Variants in FSTL5 observed in about 807,000 individuals in gnomAD.
The protein encoded by FSTL5 is follistatin like 5, also known as follistatin-related protein 5.
A neutral mutation model predicts 89.1 loss-of-function variants in FSTL5; 62 were observed. The ratio of observed to expected loss-of-function variants is 0.70; its 90% CI spans 0.57 to 0.86. FSTL5 has a LOEUF of 0.86. Ranked by LOEUF, FSTL5 falls within the 40% of genes least tolerant of loss-of-function variation. The pLI, the probability that FSTL5 is intolerant of heterozygous loss-of-function variation, is 0.00. For synonymous variants in FSTL5, 383 were observed against 346.2 expected, an observed-to-expected ratio of 1.11 and a Z score of -1.18; for missense variants, 1,057 against 1,001.6, an observed-to-expected ratio of 1.06 and a Z score of -0.75.
chr4:162,137,454 A>T (rs1732562521), intron 1 of FSTL5, among the ~76,000 whole-genome samples: 1 of 148,396 alleles, frequency 6.7e-6, no homozygotes, highest in Non-Finnish European at 1.5e-5. Flanking sequence ...TAGTGGCCAC[A>T]TACCACACAC....
chr4:161,872,307 T>G (rs984955920), intron 4 of FSTL5, among the ~76,000 whole-genome samples: 19 of 152,122 alleles, frequency 1.2e-4, no homozygotes, highest in African/African-American at 4.3e-4. Context: ...TGATTTTGTT[T>G]GTAAATTTCA....
chr4:161,618,739 A>T (rs1734989746), intron 7 of FSTL5, among the ~76,000 whole-genome samples: 1 of 152,130 alleles, frequency 6.6e-6, no homozygotes, highest in South Asian at 2.1e-4. Context: ...TATTTTATTG[A>T]GGATTTTTGC....
At chr4:161,711,254 G>C (rs903057479) in intron 6 of FSTL5, among the ~76,000 whole-genome samples, 4 of 151,832 alleles carry the variant, frequency 2.6e-5, no homozygotes, top group African/African-American at 7.3e-5. Flanking sequence ...GATCAATACA[G>C]TTTATAAATT....
chr4:161,751,142 A>T (rs575031979), intron 6 of FSTL5, among the ~76,000 whole-genome samples: 3 of 152,146 alleles, frequency 2.0e-5, no homozygotes, highest in South Asian at 4.1e-4. Context: ...CAATAGTGGT[A>T]TCCCATTAAG....
intron 6 of FSTL5, among the ~76,000 whole-genome samples, chr4:161,739,244 C>T (rs987828303): frequency 3.9e-5 from 6 of 152,078 alleles, no homozygotes; most frequent in African/African-American, 4.8e-5. Flanking sequence ...CTAATAAAAA[C>T]GGGAAATTTG....
intron 2 of FSTL5, among the ~76,000 whole-genome samples, chr4:162,076,978 C>A (rs973096314): frequency 6.6e-6 from 1 of 151,726 alleles, no homozygotes; most frequent in African/African-American, 2.4e-5. Context: ...AACTGGATAC[C>A]TTGAAATATA....
intron 13 of FSTL5, among the ~76,000 whole-genome samples, chr4:161,460,343 C>T (rs935212154): frequency 7.2e-6 from 1 of 138,964 alleles, no homozygotes; most frequent in Admixed American, 8.0e-5. Flanking sequence ...CACCCGTTAA[C>T]TTGTCATTTA....
At chr4:162,150,147 G>A (rs75891724) in intron 1 of FSTL5, among the ~76,000 whole-genome samples, 1,997 of 151,984 alleles carry the variant, frequency 0.013, 52 homozygotes, top group African/African-American at 0.046. Flanking sequence ...TGACATACTT[G>A]AGAAGGCCAA....
chr4:162,036,340 C>T (rs933108050), intron 2 of FSTL5, among the ~76,000 whole-genome samples: 9 of 152,124 alleles, frequency 5.9e-5, no homozygotes, highest in East Asian at 3.9e-4. Context: ...TTCTTCTAGT[C>T]GTGCATATCC....
intron 6 of FSTL5, among the ~76,000 whole-genome samples, chr4:161,751,999 A>G (rs1298391954): frequency 2.6e-5 from 4 of 152,222 alleles, no homozygotes; most frequent in African/African-American, 9.6e-5. Context: ...GCTTAGAATT[A>G]TCAATGCCTT....
At chr4:161,580,917 A>G (rs985437350) in intron 8 of FSTL5, among the ~76,000 whole-genome samples, 2 of 152,182 alleles carry the variant, frequency 1.3e-5, no homozygotes, top group Non-Finnish European at 2.9e-5. Flanking sequence ...TATTCACCAT[A>G]GATGAGGAGG....
At chr4:161,828,688 T>C (rs868825887) in intron 4 of FSTL5, among the ~76,000 whole-genome samples, 3 of 152,204 alleles carry the variant, frequency 2.0e-5, no homozygotes, top group Non-Finnish European at 2.9e-5. Flanking sequence ...CATATATCAT[T>C]AACTTAGGCT....
chr4:161,660,661 T>C (rs1736674040), intron 6 of FSTL5, among the ~76,000 whole-genome samples: 1 of 152,056 alleles, frequency 6.6e-6, no homozygotes, highest in South Asian at 2.1e-4. Flanking sequence ...TGTGTGTTGT[T>C]CCCATCTATG....
chr4:162,033,530 T>C (rs1361614347), intron 3 of FSTL5, 95 bp downstream of exon 3: 1 of 657,002 alleles, frequency 1.5e-6, no homozygotes, highest in African/African-American at 1.9e-5. Context: ...CATTATTTTC[T>C]CATTTTTGAC....
chr4:161,588,621 T>TCATGGTGAATAA, intron 7 of FSTL5, among the ~76,000 whole-genome samples: 4 of 152,050 alleles, frequency 2.6e-5, no homozygotes, highest in African/African-American at 9.7e-5. Context: ...CCAAAATCAA[T>TCATGGTGAATAA]TTTTTTCAGA....
In FSTL5 at chr4:161,448,387, C is replaced by T. The variant is rs558077761; in HGVS notation, c.1841+6617G>A. 3.3e-5 allele frequency among the ~76,000 whole-genome samples: 5 copies of T among 152,192 alleles called. No individual in the cohort carries two copies. The South Asian group carries it at 6.2e-4, about 19-fold the overall frequency. ...CATTTTAGTGCTAAAATTGTATCTCCATACACCTGGCCTGTCCATGAATCA... is the reference window on the plus strand; with the variant it reads ...CATTTTAGTGCTAAAATTGTATCTCTATACACCTGGCCTGTCCATGAATCA... On this transcript the variant is annotated intron_variant, in intron 15 of 15. Transcript: ENST00000306100.
At chr4:161,625,441 C>T (rs997444008) in intron 7 of FSTL5, among the ~76,000 whole-genome samples, 3 of 151,942 alleles carry the variant, frequency 2.0e-5, no homozygotes, top group Non-Finnish European at 1.5e-5. Flanking sequence ...TCATTGTTTT[C>T]GGTTGCCATG....
intron 10 of FSTL5, among the ~76,000 whole-genome samples, chr4:161,531,302 T>C (rs1731404419): frequency 6.6e-6 from 1 of 152,176 alleles, no homozygotes; most frequent in Non-Finnish European, 1.5e-5. Context: ...CTCTCAATAG[T>C]ATCATATTTC....
intron 15 of FSTL5, among the ~76,000 whole-genome samples, chr4:161,449,942 C>G (rs1384579341): frequency 6.6e-6 from 1 of 152,148 alleles, no homozygotes; most frequent in Non-Finnish European, 1.5e-5. Context: ...AAGACTTCTG[C>G]TAATTCTTGC....
Sources: allele counts gnomAD v4.1 joint callset (sites outside exome capture counted in the v4.1 genomes callset), GRCh38; gene constraint gnomAD v4.1.1; transcripts MANE v1.5; gene names NCBI Gene and HGNC (gene_info 2026-07-23, HGNC 2026-07-21).